Variants in SND1 observed in about 807,000 individuals in gnomAD.
SND1 encodes the protein staphylococcal nuclease domain-containing protein 1.
In SND1, 38 loss-of-function variants were observed where a neutral mutation model predicts 121.7. The ratio of observed to expected loss-of-function variants is 0.31; its 90% CI spans 0.24 to 0.41. The LOEUF (loss-of-function observed/expected upper bound fraction) is 0.41. Among genes scored for constraint, SND1 ranks in the 10% least tolerant of loss-of-function variants. The pLI, the probability that SND1 is intolerant of heterozygous loss-of-function variation, is 1.00. For missense variants in SND1, 868 were observed against 1,184.6 expected, an observed-to-expected ratio of 0.73 and a Z score of 3.92; for synonymous variants, 401 against 447.4, an observed-to-expected ratio of 0.90 and a Z score of 1.31.
chr7:128,076,514 A>G (rs1793509014), intron 17 of SND1, among the ~76,000 whole-genome samples: 2 of 152,162 alleles, frequency 1.3e-5, no homozygotes, highest in African/African-American at 4.8e-5. Flanking sequence ...GCTGTTTCCC[A>G]GGAGCAGCAC....
intron 9 of SND1, among the ~76,000 whole-genome samples, chr7:127,712,104 A>G (rs1796308453): frequency 1.3e-5 from 2 of 152,122 alleles, no homozygotes; most frequent in African/African-American, 4.8e-5. Flanking sequence ...AGAATAAGAT[A>G]TTAAAACACT....
chr7:127,759,749 C>T (rs1797267817), intron 10 of SND1, among the ~76,000 whole-genome samples: 1 of 152,122 alleles, frequency 6.6e-6, no homozygotes, highest in South Asian at 2.1e-4. Context: ...AACCATATAT[C>T]CACACCAACA....
At chr7:127,847,165 G>A (rs1799080177) in intron 12 of SND1, among the ~76,000 whole-genome samples, 2 of 152,084 alleles carry the variant, frequency 1.3e-5, no homozygotes, top group African/African-American at 4.8e-5. Context: ...TTAGCTACTT[G>A]GGAGGCTGAG....
chr7:127,839,489 T>G (rs1453723515), intron 11 of SND1, among the ~76,000 whole-genome samples: 1 of 152,288 alleles, frequency 6.6e-6, no homozygotes, highest in East Asian at 1.9e-4. Context: ...TTTGGCGTTT[T>G]GTTATCATCA....
chr7:127,940,473 A>C (rs981995173), intron 15 of SND1, among the ~76,000 whole-genome samples: 1 of 152,278 alleles, frequency 6.6e-6, no homozygotes, highest in East Asian at 1.9e-4. Flanking sequence ...GAGGGAGTGT[A>C]AATGGTTTGG....
rs192603213 is a variant in SND1, at chr7:128,081,648, T to C, written c.2110+147T>C. 5.6e-5 allele frequency: 48 copies of C among 858,860 alleles called. No homozygotes were observed. The Admixed American group carries it at 6.0e-4, about 11-fold the overall frequency. 53.2% of individuals were successfully genotyped at this position (858,860 alleles called of 1,614,324 possible). ...TGAAGAGCTCACGTTGCCGCCCCTG[T>C]CTCCCTGCCTTGTCCCACTGCTCCT... On this transcript the variant is annotated intron_variant, in intron 18 of 23. Coordinates refer to ENST00000354725, the MANE Select transcript of SND1 (RefSeq NM_014390.4).
intron 16 of SND1, among the ~76,000 whole-genome samples, chr7:128,046,122 G>T (rs1562881144): frequency 3.3e-5 from 5 of 152,180 alleles, no homozygotes; most frequent in Admixed American, 2.6e-4. Flanking sequence ...CTGAAGCCAG[G>T]GTCTTGCTCT....
intron 11 of SND1, among the ~76,000 whole-genome samples, chr7:127,810,091 A>G (rs1003079143): frequency 6.6e-6 from 1 of 152,136 alleles, no homozygotes; most frequent in African/African-American, 2.4e-5. Flanking sequence ...TCATAGCCCT[A>G]CTTTTTCAGT....
chr7:127,805,625 A>G (rs1474698809), intron 10 of SND1, among the ~76,000 whole-genome samples: 2 of 152,216 alleles, frequency 1.3e-5, no homozygotes, highest in East Asian at 1.9e-4. Context: ...GGAAGCATCT[A>G]TTTCATAGAT....
chr7:127,855,684 C>A (rs1480396067), intron 12 of SND1, among the ~76,000 whole-genome samples: 1 of 152,154 alleles, frequency 6.6e-6, no homozygotes, highest in Non-Finnish European at 1.5e-5. Flanking sequence ...GAGCTGCTTA[C>A]CATTGACCTA....
At chr7:128,013,271 C>T (rs780161556) in intron 16 of SND1, among the ~76,000 whole-genome samples, 1 of 152,224 alleles carries the variant, frequency 6.6e-6, no homozygotes, top group African/African-American at 2.4e-5. Flanking sequence ...CACCTTCCCA[C>T]TCTTAGACCA....
Position 127,652,381 on chromosome 7 carries a change from C to T in SND1, c.8C>T (p.Ser3Phe), listed in dbSNP as rs769261351. Residue 3 changes from serine to phenylalanine, a missense_variant, in exon 1 of 24, where the codon TCC (serine) becomes TTC (phenylalanine). Transcript: ENST00000354725. The stretch of plus-strand genomic sequence containing the variant: ...GCCTTTGCATCTCCACACATGGCGT[C>T]CTCCGCGCAGAGCGGCGGCTCCTCC... MA[S>F]SAQSGGSSGG... The T allele has an allele frequency of 4.7e-5, 75 of 1,597,684 alleles. No individual in the cohort carries two copies. The East Asian group carries it at 6.6e-4, about 14-fold the overall frequency.
At position 128,015,656 on chromosome 7, in the gene SND1, A is replaced by G. The variant is rs1322308153; in HGVS notation, c.1779+24600A>G. Among the ~76,000 whole-genome samples the G allele has an allele frequency of 6.6e-6, 1 of 152,214 alleles. No individual in the cohort carries two copies. Among genetic ancestry groups the G allele is most frequent in the African/African-American group, 2.4e-5 (1 of 41,450 alleles). On this transcript the variant is annotated intron_variant, in intron 16 of 23. Coordinates refer to ENST00000354725, the MANE Select transcript of SND1 (RefSeq NM_014390.4). This position sits in a 1 kb window ranked among gnomAD's most constrained non-coding sequence, Gnocchi z 4.5. ...TCCTTGTCCCTTTCCAACAGAAATG[A>G]AATGATTGGTAACAAGTATGAGAGG... is the stretch of plus-strand genomic sequence containing the variant.
chr7:127,929,338 T>TA lies in SND1; in HGVS notation c.1669+10dup, dbSNP rs1415579065. On this transcript the variant is annotated intron_variant, in intron 15 of 23. Transcript: ENST00000354725. The stretch of plus-strand genomic sequence containing the variant: ...CACCTTCTTGCTTGCAGGTAAGTCT[T>TA]ATGTGTTACATGTTACTCTGAGCTC... 1 of 1,613,874 alleles carries TA rather than the reference T, an allele frequency of 6.2e-7. No individual in the cohort carries two copies. The highest frequency in any genetic ancestry group is 8.5e-7 in the Non-Finnish European group (1 of 1,179,786).
chr7:127,945,055 G>T (rs187690813), intron 15 of SND1, among the ~76,000 whole-genome samples: 176 of 152,280 alleles, frequency 1.2e-3, no homozygotes, highest in African/African-American at 4.1e-3. Context: ...AGATGCTTGA[G>T]GGTAGGGACC....
intron 15 of SND1, among the ~76,000 whole-genome samples, chr7:127,981,642 C>G (rs762332297): frequency 1.3e-5 from 2 of 152,178 alleles, no homozygotes; most frequent in Non-Finnish European, 2.9e-5. Flanking sequence ...CCAGCTCCAT[C>G]TAAAAATGCT....
chr7:127,852,490 TA>T (rs779324036), intron 12 of SND1, among the ~76,000 whole-genome samples: 439 of 83,874 alleles, frequency 5.2e-3, no homozygotes, highest in Middle Eastern at 0.044. Context: ...AGACTCCCTC[TA>T]AAAAAAAAAA....
chr7:127,950,970 T>C (rs943413929), intron 15 of SND1, among the ~76,000 whole-genome samples: 8 of 152,290 alleles, frequency 5.3e-5, no homozygotes, highest in Admixed American at 3.9e-4. Flanking sequence ...GTTTGTGAGA[T>C]TGTAACATGG....
chr7:127,822,430 A>G (rs1257543440), intron 11 of SND1, among the ~76,000 whole-genome samples: 3 of 152,102 alleles, frequency 2.0e-5, no homozygotes, highest in Non-Finnish European at 4.4e-5. Context: ...TATGGCCATA[A>G]TTTTCCTACT....
Sources: allele counts gnomAD v4.1 joint callset (sites outside exome capture counted in the v4.1 genomes callset), GRCh38; gene constraint gnomAD v4.1.1; non-coding constraint Gnocchi (gnomAD v3.1); transcripts MANE v1.5; gene names NCBI Gene and HGNC (gene_info 2026-07-23, HGNC 2026-07-21).